The following PARP15 variants were observed in gnomAD, a reference collection of about 807,000 sequenced individuals.
PARP15 encodes the protein protein mono-ADP-ribosyltransferase PARP15.
PARP15 carries 50 observed loss-of-function variants against 62.1 expected under a neutral mutation model. The ratio of observed to expected loss-of-function variants is 0.81; its 90% CI spans 0.64 to 1.02. PARP15 has a LOEUF of 1.02. Ranked by LOEUF, PARP15 falls within the 50% of genes least tolerant of loss-of-function variation. The pLI, the probability that PARP15 is intolerant of heterozygous loss-of-function variation, is 0.00. For synonymous variants in PARP15, 309 were observed against 293.1 expected, an observed-to-expected ratio of 1.05 and a Z score of -0.55; for missense variants, 820 against 826.5, an observed-to-expected ratio of 0.99 and a Z score of 0.10.
chr3:122,619,966 G>A, intron 7 of PARP15, 123 bp downstream of exon 7: 1 of 872,508 alleles, frequency 1.1e-6, no homozygotes, highest in Non-Finnish European at 1.9e-6. Context: ...AAGAAGGTTG[G>A]TTCACTGGAA....
intron 4 of PARP15, chr3:122,615,030 CAAAA>C (rs11356111): frequency 2.0e-4 from 164 of 836,162 alleles, no homozygotes; most frequent in Non-Finnish European, 2.1e-4. Flanking sequence ...ACTCTGTCTG[CAAAA>C]AAAAAAAAAA....
intron 1 of PARP15, among the ~76,000 whole-genome samples, chr3:122,586,241 C>A (rs62263869): frequency 6.9e-6 from 1 of 145,426 alleles, no homozygotes; most frequent in African/African-American, 2.6e-5. Context: ...TTTTTTTTTC[C>A]TATCACCTCT....
rs543241798 is a variant in PARP15, at chr3:122,635,139, C to G, written c.1692C>G (p.Asp564Glu). ...ERLLFHGTDA[D>E]SVPYVNQHGF... ...TCCTCTTCCATGGGACAGATGCAGA[C>G]TCAGTGCCATATGTCAATCAGCACG... The change falls in exon 11 of 12, where the codon GAC becomes GAG. Residue 564 changes from aspartate to glutamate, a missense_variant. Transcript: ENST00000464300. 4 of 1,613,984 alleles carry G rather than the reference C, an allele frequency of 2.5e-6. No homozygotes were observed. Among genetic ancestry groups the G allele is most frequent in the Non-Finnish European group, 3.4e-6 (4 of 1,179,900 alleles).
intron 1 of PARP15, 132 bp downstream of exon 1, chr3:122,577,985 A>G (rs2107788543): frequency 1.1e-6 from 1 of 910,540 alleles, no homozygotes; most frequent in Non-Finnish European, 1.6e-6. Flanking sequence ...GGCGCCGACT[A>G]CACTGACTTC....
chr3:122,590,638 A>AT (rs1164313983), intron 1 of PARP15, among the ~76,000 whole-genome samples: 1 of 138,376 alleles, frequency 7.2e-6, no homozygotes, highest in Non-Finnish European at 1.6e-5. Flanking sequence ...TTTTATTTTG[A>AT]TTTTTACTAC....
intron 3 of PARP15, among the ~76,000 whole-genome samples, chr3:122,611,797 C>T (rs1935586089): frequency 6.6e-6 from 1 of 152,040 alleles, no homozygotes; most frequent in African/African-American, 2.4e-5. Context: ...TCACCGCAGC[C>T]TCCGCCTCCC....
In PARP15 at chr3:122,632,238, T is replaced by C. The variant is rs899153437; in HGVS notation, c.1572+19T>C. The C allele has an allele frequency of 1.9e-6, 3 of 1,605,798 alleles. No individual in the cohort carries two copies. Among genetic ancestry groups the C allele is most frequent in the Non-Finnish European group, 2.5e-6 (3 of 1,176,564 alleles). On this transcript the variant is annotated intron_variant, in intron 10 of 11. Transcript: ENST00000464300. Reference sequence around the variant, plus strand: ...AGAGAAGGTAATACTGTGTTAAAATTTACTGTTCAAAAATGTTGATGAACT... The same window carrying C: ...AGAGAAGGTAATACTGTGTTAAAATCTACTGTTCAAAAATGTTGATGAACT...
chr3:122,601,036 G>GCTTTTTT (rs1934747693), intron 1 of PARP15, among the ~76,000 whole-genome samples: 1 of 73,036 alleles, frequency 1.4e-5, no homozygotes, highest in Non-Finnish European at 2.4e-5. Context: ...GTCTTTTATG[G>GCTTTTTT]TTTTTTTTTT....
chr3:122,606,692 C>T (rs1455106984), intron 2 of PARP15, among the ~76,000 whole-genome samples: 1 of 152,194 alleles, frequency 6.6e-6, no homozygotes, highest in Non-Finnish European at 1.5e-5. Context: ...GGCCCCACCC[C>T]TAGAGATCCT....
chr3:122,603,391 A>G (rs1281158473), intron 1 of PARP15, among the ~76,000 whole-genome samples: 2 of 151,960 alleles, frequency 1.3e-5, no homozygotes, highest in East Asian at 3.8e-4. Context: ...ACCTGTAGAG[A>G]ACATGTTTCT....
intron 1 of PARP15, among the ~76,000 whole-genome samples, chr3:122,596,354 CAAAAAAAA>C (rs35559014): frequency 2.1e-5 from 1 of 46,916 alleles, no homozygotes; most frequent in South Asian, 1.2e-3. Flanking sequence ...GACTCCATCT[CAAAAAAAA>C]AAAAAAAAAA....
chr3:122,597,911 ATTACT>A (rs1474293252), intron 1 of PARP15, among the ~76,000 whole-genome samples: 1 of 152,164 alleles, frequency 6.6e-6, no homozygotes, highest in Non-Finnish European at 1.5e-5. Context: ...TCATCTCTAG[ATTACT>A]TTATAATACC....
intron 1 of PARP15, among the ~76,000 whole-genome samples, chr3:122,578,873 A>G (rs897589754): frequency 2.0e-5 from 3 of 152,170 alleles, no homozygotes; most frequent in African/African-American, 7.2e-5. Context: ...TTGAGTATGT[A>G]ATGTATATGA....
At chr3:122,606,417 C>T (rs1935164703) in intron 2 of PARP15, among the ~76,000 whole-genome samples, 1 of 152,184 alleles carries the variant, frequency 6.6e-6, no homozygotes, top group Non-Finnish European at 1.5e-5. Context: ...ATAGAATCAC[C>T]CTTCACAAAC....
Position 122,627,045 on chromosome 3 carries a change from A to G in PARP15, c.1438+12A>G. 1.3e-6 allele frequency: 2 copies of G among 1,588,536 alleles called. No homozygotes were observed. Among genetic ancestry groups the G allele is most frequent in the Non-Finnish European group, 1.7e-6 (2 of 1,164,108 alleles). On this transcript the variant is annotated intron_variant, in intron 9 of 11. Transcript: ENST00000464300. ...CTCCATGACTACATGTAAGATGTTC[A>G]CTTTTTAAAAATCACCCTGCTGGCT...
chr3:122,621,384 CAA>C lies in PARP15; in HGVS notation c.1064-58_1064-57del, dbSNP rs878931909. 4 of 1,509,772 alleles carry C rather than the reference CAA, an allele frequency of 2.6e-6. No individual in the cohort carries two copies. In the South Asian group the frequency reaches 4.1e-5, roughly 15 times the overall value. The allele number at this position is 1,509,772 out of a possible 1,614,324, so 93.5% of individuals were successfully genotyped here. The stretch of plus-strand genomic sequence containing the variant: ...TCAGCTGTTTTCATTTCTCAAAAAT[CAA>C]AGTGTTGCCTCCAGTAATTAATGGG... On this transcript the variant is annotated intron_variant, in intron 7 of 11. Coordinates refer to ENST00000464300, the MANE Select transcript of PARP15 (RefSeq NM_001113523.3).
At chr3:122,596,715 G>A (rs914056491) in intron 1 of PARP15, among the ~76,000 whole-genome samples, 1 of 152,116 alleles carries the variant, frequency 6.6e-6, no homozygotes, top group African/African-American at 2.4e-5. Flanking sequence ...TTATACTTTG[G>A]ATAATATGAC....
At chr3:122,609,982 C>T (rs757499787) in intron 2 of PARP15, among the ~76,000 whole-genome samples, 74 of 152,176 alleles carry the variant, frequency 4.9e-4, no homozygotes, top group Non-Finnish European at 8.2e-4. Context: ...CCTTCAGGGC[C>T]GACCATACCC....
At chr3:122,603,600 C>T (rs1432869816) in intron 1 of PARP15, among the ~76,000 whole-genome samples, 8 of 152,148 alleles carry the variant, frequency 5.3e-5, no homozygotes. Context: ...TAAGAGAAAG[C>T]ACCAACCAAA....
Sources: gnomAD v4.1 joint callset for allele counts (sites outside exome capture counted in the v4.1 genomes callset) on GRCh38, gnomAD v4.1.1 for gene constraint, MANE v1.5 for transcripts, NCBI Gene and HGNC (gene_info 2026-07-23, HGNC 2026-07-21) for gene names.